Variants in LRP2BP observed in about 807,000 individuals in gnomAD.
LRP2BP encodes LRP2-binding protein.
LRP2BP carries 38 observed loss-of-function variants against 45.2 expected under a neutral mutation model. The ratio of observed to expected loss-of-function variants is 0.84; its 90% confidence interval spans 0.65 to 1.10. The LOEUF is 1.10. Among genes scored for constraint, LRP2BP ranks in the 50% least tolerant of loss-of-function variants. The pLI is 0.00. For synonymous variants in LRP2BP, 153 were observed against 153.9 expected (o/e 0.99, Z 0.04); for missense variants, 385 against 418.9 (o/e 0.92, Z 0.71).
chr4:185,386,712 T>G (rs2126834976), intron 1 of LRP2BP, among the ~76,000 whole-genome samples: 2 of 152,286 alleles, frequency 1.3e-5, no homozygotes, highest in Middle Eastern at 6.8e-3. Flanking sequence ...CTTAAGAGAC[T>G]ACACCCTCCA....
intron 1 of LRP2BP, among the ~76,000 whole-genome samples, chr4:185,388,460 C>T (rs72712019): frequency 2.6e-4 from 1 of 3,780 alleles, no homozygotes; most frequent in African/African-American, 5.5e-4. Flanking sequence ...TACCTACCTA[C>T]CTAACCTGCC....
At chr4:185,378,508 C>T in intron 1 of LRP2BP, 2 of 1,077,924 alleles carry the variant, frequency 1.9e-6, no homozygotes, top group Non-Finnish European at 2.2e-6. Flanking sequence ...AGTCACCCAG[C>T]ACAAGTGTTG....
intron 4 of LRP2BP, 79 bp from the exon 5 acceptor site, chr4:185,374,540 G>A: frequency 6.8e-7 from 1 of 1,473,486 alleles, no homozygotes; most frequent in Non-Finnish European, 9.2e-7. Flanking sequence ...ATAAGGCTGT[G>A]AAGTGTCCGC....
intron 1 of LRP2BP, among the ~76,000 whole-genome samples, chr4:185,383,774 A>C (rs1015364119): frequency 1.3e-5 from 2 of 152,212 alleles, no homozygotes; most frequent in Admixed American, 1.3e-4. Context: ...GGATGCCTAC[A>C]TGACTTGCCC....
chr4:185,391,238 C>A (rs528380713), intron 1 of LRP2BP, among the ~76,000 whole-genome samples: 14 of 152,332 alleles, frequency 9.2e-5, no homozygotes, highest in African/African-American at 3.4e-4. Flanking sequence ...GCCTTCTCAT[C>A]ACATCGTGTC....
intron 7 of LRP2BP, among the ~76,000 whole-genome samples, chr4:185,371,294 C>T (rs531874594): frequency 8.0e-4 from 122 of 152,262 alleles, no homozygotes; most frequent in African/African-American, 2.9e-3. Flanking sequence ...AATCCCAGCA[C>T]TTTGGGAGGC....
intron 1 of LRP2BP, among the ~76,000 whole-genome samples, chr4:185,394,227 C>T (rs543204330): frequency 1.5e-4 from 21 of 142,546 alleles, no homozygotes; most frequent in Admixed American, 5.1e-4. Flanking sequence ...CCACTGCATT[C>T]CAATCTGGGC....
At chr4:185,375,568 A>C in intron 4 of LRP2BP, 45 bp downstream of exon 4, 1 of 878,698 alleles carries the variant, frequency 1.1e-6, no homozygotes, top group Non-Finnish European at 1.6e-6. Flanking sequence ...CCAATAATCC[A>C]CTGACAATGA....
chr4:185,393,449 C>G (rs59473240), intron 1 of LRP2BP, among the ~76,000 whole-genome samples: 11,390 of 152,068 alleles, frequency 0.075, 637 homozygotes, highest in African/African-American at 0.14. Flanking sequence ...ATAAAATTAG[C>G]TTATCGGTTC....
chr4:185,379,812 TTC>T (rs34458591), intron 1 of LRP2BP, among the ~76,000 whole-genome samples: 24,910 of 148,228 alleles, frequency 0.17, 2,246 homozygotes, highest in African/African-American at 0.24. Flanking sequence ...ACCTGCGCAC[TTC>T]TCTCTCTCTC....
At chr4:185,382,867 G>A (rs1017101928) in intron 1 of LRP2BP, among the ~76,000 whole-genome samples, 2 of 151,874 alleles carry the variant, frequency 1.3e-5, no homozygotes, top group Admixed American at 1.3e-4. Flanking sequence ...CTGTGCTTTA[G>A]GTGTCACATC....
intron 1 of LRP2BP, 112 bp from the exon 2 acceptor site, chr4:185,378,319 C>A: frequency 6.8e-7 from 1 of 1,466,160 alleles, no homozygotes; most frequent in Non-Finnish European, 9.0e-7. Context: ...TCTCTCATCG[C>A]CTAGATAGAA....
chr4:185,365,872 T>A lies in LRP2BP; in HGVS notation c.*1308A>T, dbSNP rs562092484. On this transcript the variant is annotated 3_prime_UTR_variant, in exon 9 of 9. Coordinates refer to ENST00000505916, the MANE Select transcript of LRP2BP (RefSeq NM_001377440.1). ...TCTCAAACCCGAGTCTGTTGAAATT[T>A]CTTCCCTTACACAAAGACAAAATGA... 6.6e-6 allele frequency: 1 copy of A among 152,280 alleles called. No individual in the cohort carries two copies. Among genetic ancestry groups the A allele is most frequent in the East Asian group, 1.9e-4 (1 of 5,186 alleles). The allele number at this position is 152,280 out of a possible 1,614,324, so 9.4% of individuals were successfully genotyped here. A position where few individuals can be genotyped will look rare whatever the true frequency, so the allele number is the denominator to read the frequency against.
chr4:185,394,745 A>G, intron 1 of LRP2BP, 34 bp downstream of exon 1: 1 of 985,308 alleles, frequency 1.0e-6, no homozygotes, highest in Non-Finnish European at 1.2e-6. Flanking sequence ...CTCAAGATTC[A>G]GCCCACACAT....
At chr4:185,382,572 T>C (rs1397945350) in intron 1 of LRP2BP, among the ~76,000 whole-genome samples, 1 of 152,148 alleles carries the variant, frequency 6.6e-6, no homozygotes, top group Non-Finnish European at 1.5e-5. Flanking sequence ...CGCTATCTCA[T>C]TGTTGTTTTG....
intron 8 of LRP2BP, among the ~76,000 whole-genome samples, chr4:185,368,109 C>T (rs1405450439): frequency 4.6e-5 from 7 of 152,068 alleles, no homozygotes; most frequent in South Asian, 4.1e-4. Flanking sequence ...ACCTGGGAGG[C>T]GGAGCTTGCA....
rs372005678 is a variant in LRP2BP, at chr4:185,391,986, T to A, written c.-22+2793A>T. ...AGCTAACTATGAATTCTTATTGACA[T>A]CTTGGACAAATCCATTACTACCTGG... On this transcript the variant is annotated intron_variant, in intron 1 of 8. Transcript: ENST00000505916. 1.3e-4 allele frequency among the ~76,000 whole-genome samples: 20 copies of A among 152,364 alleles called. No individual in the cohort carries two copies. The East Asian group carries it at 1.5e-3, about 12-fold the overall frequency.
chr4:185,391,213 C>T (rs920997721), intron 1 of LRP2BP, among the ~76,000 whole-genome samples: 5 of 152,060 alleles, frequency 3.3e-5, no homozygotes, highest in East Asian at 1.9e-4. Context: ...GGAAGAATAC[C>T]GAAGAGGTGA....
At chr4:185,394,191 G>C (rs2095495718) in intron 1 of LRP2BP, among the ~76,000 whole-genome samples, 1 of 150,564 alleles carries the variant, frequency 6.6e-6, no homozygotes, top group Admixed American at 6.6e-5. Context: ...CCGGGAAGAC[G>C]GAGGTTGCAG....
Sources: gnomAD v4.1 joint callset for allele counts (sites outside exome capture counted in the v4.1 genomes callset) on GRCh38, gnomAD v4.1.1 for gene constraint, MANE v1.5 for transcripts, NCBI Gene and HGNC (gene_info 2026-07-23, HGNC 2026-07-21) for gene names.